KIAA1549L: variants seen among roughly 807,000 people sequenced by gnomAD.
The protein encoded by KIAA1549L is UPF0606 protein KIAA1549L.
Under a neutral mutation model 160.7 loss-of-function variants are expected in KIAA1549L, and 88 were observed. That is an observed-to-expected ratio of 0.55 (90% CI 0.46 to 0.65). The LOEUF (loss-of-function observed/expected upper bound fraction) is 0.65, where lower values mean the gene tolerates loss of function less well. KIAA1549L is among the 30% of genes least tolerant of loss of function. The pLI, the probability that KIAA1549L is intolerant of heterozygous loss-of-function variation, is 0.00. For synonymous variants in KIAA1549L, 950 were observed against 976.7 expected, an observed-to-expected ratio of 0.97 and a Z score of 0.51; for missense variants, 2,258 against 2,437.5, an observed-to-expected ratio of 0.93 and a Z score of 1.55.
At chr11:33,458,353 C>T (rs1851872373) in intron 1 of KIAA1549L, among the ~76,000 whole-genome samples, 1 of 152,162 alleles carries the variant, frequency 6.6e-6, no homozygotes, top group Non-Finnish European at 1.5e-5. Flanking sequence ...TACTCTTGCC[C>T]CAGGTTCTGC....
chr11:33,518,669 T>C (rs1448900016), intron 1 of KIAA1549L, among the ~76,000 whole-genome samples: 2 of 152,256 alleles, frequency 1.3e-5, no homozygotes, highest in Admixed American at 6.5e-5. Flanking sequence ...TGCTATGATA[T>C]TATAAAGTCT....
At chr11:33,610,385 C>T (rs1850618812) in intron 15 of KIAA1549L, among the ~76,000 whole-genome samples, 1 of 152,240 alleles carries the variant, frequency 6.6e-6, no homozygotes, top group South Asian at 2.1e-4. Context: ...TAAGTACTTA[C>T]TGCACAGGTG....
intron 15 of KIAA1549L, among the ~76,000 whole-genome samples, chr11:33,614,982 C>A (rs907579897): frequency 1.3e-5 from 2 of 151,910 alleles, no homozygotes; most frequent in Non-Finnish European, 2.9e-5. Flanking sequence ...TAAAACCTAC[C>A]TTTTAAAACA....
intron 1 of KIAA1549L, among the ~76,000 whole-genome samples, chr11:33,488,355 C>T (rs1005174795): frequency 6.6e-6 from 1 of 152,064 alleles, no homozygotes; most frequent in Non-Finnish European, 1.5e-5. Flanking sequence ...TAAAGGATGA[C>T]AAAAGGACTA....
chr11:33,474,314 AC>A (rs1852240469), intron 1 of KIAA1549L, among the ~76,000 whole-genome samples: 1 of 152,158 alleles, frequency 6.6e-6, no homozygotes, highest in Non-Finnish European at 1.5e-5. Flanking sequence ...ACTTTGCCCC[AC>A]CTCCGTGATT....
chr11:33,563,774 C>T (rs1854954980), intron 8 of KIAA1549L, among the ~76,000 whole-genome samples: 1 of 152,146 alleles, frequency 6.6e-6, no homozygotes, highest in African/African-American at 2.4e-5. Context: ...TTTACAAAAT[C>T]ATGTTTTCTT....
Position 33,510,648 on chromosome 11 carries a change from C to T in KIAA1549L, c.239-31154C>T, listed in dbSNP as rs116754149. Among the ~76,000 whole-genome samples the T allele has an allele frequency of 1.2e-3, 181 of 152,292 alleles. 1 individual carries two copies. Among genetic ancestry groups the T allele is most frequent in the African/African-American group, 4.1e-3 (170 of 41,558 alleles). ...GAAAGCAAAGGCATAGTGATGCTGG[C>T]GAGGACGTGGATATAGCGAGAAGAG... On this transcript the variant is annotated intron_variant, in intron 1 of 20. Transcript: ENST00000658780.
intron 11 of KIAA1549L, among the ~76,000 whole-genome samples, chr11:33,583,807 A>G (rs567262994): frequency 3.2e-4 from 49 of 152,374 alleles, no homozygotes; most frequent in African/African-American, 1.1e-3. Flanking sequence ...TACAAGCTAA[A>G]GAGACATGAA....
intron 1 of KIAA1549L, among the ~76,000 whole-genome samples, chr11:33,465,411 C>A (rs1366994269): frequency 1.3e-5 from 2 of 152,016 alleles, no homozygotes; most frequent in Non-Finnish European, 2.9e-5. Context: ...ATTCTCTGAC[C>A]CCAGAGCCTT....
chr11:33,559,390 TC>T (rs1854761088), intron 6 of KIAA1549L, among the ~76,000 whole-genome samples: 1 of 152,082 alleles, frequency 6.6e-6, no homozygotes, highest in Non-Finnish European at 1.5e-5. Flanking sequence ...GAACCTGGAG[TC>T]AAATCACCTG....
At chr11:33,392,537 A>G (rs1850291275) in intron 1 of KIAA1549L, among the ~76,000 whole-genome samples, 1 of 152,152 alleles carries the variant, frequency 6.6e-6, no homozygotes, top group Non-Finnish European at 1.5e-5. Context: ...AAATGTATAC[A>G]CCTGTGTATC....
intron 1 of KIAA1549L, among the ~76,000 whole-genome samples, chr11:33,448,899 G>A (rs536024368): frequency 3.5e-4 from 54 of 152,224 alleles, no homozygotes; most frequent in African/African-American, 1.3e-3. Context: ...ATTTTGGCTG[G>A]TCCCCATCGT....
intron 1 of KIAA1549L, among the ~76,000 whole-genome samples, chr11:33,397,234 T>G (rs182424951): frequency 4.2e-5 from 6 of 143,202 alleles, no homozygotes; most frequent in Middle Eastern, 4.4e-3. Flanking sequence ...CTTAGGAGGC[T>G]GAGGCAGGAG....
rs927816081 is a variant in KIAA1549L at position 33,669,782 on chromosome 11, T to C, written c.*1628T>C. Reference sequence around the variant, plus strand: ...TTTTCCAATGGCAAACTGCCCTTTCTGGAATGTTCAGAGATGATGTGTCAT... The same window carrying C: ...TTTTCCAATGGCAAACTGCCCTTTCCGGAATGTTCAGAGATGATGTGTCAT... On this transcript the variant is annotated 3_prime_UTR_variant, in exon 21 of 21. Transcript: ENST00000658780. The C allele has an allele frequency of 6.6e-6, 1 of 152,266 alleles. No individual in the cohort carries two copies. Among genetic ancestry groups the C allele is most frequent in the Non-Finnish European group, 1.5e-5 (1 of 68,048 alleles). The allele number at this position is 152,266 out of a possible 1,614,324, so 9.4% of individuals were successfully genotyped here. A position where few individuals can be genotyped will look rare whatever the true frequency, so the allele number is the denominator to read the frequency against.
chr11:33,424,340 CACA>C (rs754190914), intron 1 of KIAA1549L, among the ~76,000 whole-genome samples: 32 of 152,148 alleles, frequency 2.1e-4, no homozygotes, highest in Non-Finnish European at 4.3e-4. Flanking sequence ...CCTTCTTCAC[CACA>C]ACAAGTTCAT....
intron 9 of KIAA1549L, among the ~76,000 whole-genome samples, chr11:33,572,710 G>C (rs1169894441): frequency 1.3e-5 from 2 of 152,142 alleles, no homozygotes; most frequent in Admixed American, 6.5e-5. Flanking sequence ...TCTTCTGTTG[G>C]TATACACCTG....
intron 3 of KIAA1549L, among the ~76,000 whole-genome samples, chr11:33,545,654 A>G (rs1356297799): frequency 2.0e-5 from 3 of 152,216 alleles, no homozygotes; most frequent in African/African-American, 7.2e-5. Context: ...AAACATCCAT[A>G]GGGCCAAAGT....
chr11:33,649,290 C>T (rs1473484119), intron 17 of KIAA1549L, among the ~76,000 whole-genome samples: 2 of 144,760 alleles, frequency 1.4e-5, no homozygotes, highest in African/African-American at 5.3e-5. Flanking sequence ...CGCTTGAGAC[C>T]AGGAATGTAA....
intron 6 of KIAA1549L, among the ~76,000 whole-genome samples, chr11:33,557,864 G>C (rs942072637): frequency 1.3e-5 from 2 of 152,092 alleles, no homozygotes; most frequent in African/African-American, 4.8e-5. Flanking sequence ...TTCAGTCTGC[G>C]GGACAGAGTG....
Sources: allele counts gnomAD v4.1 joint callset (sites outside exome capture counted in the v4.1 genomes callset), GRCh38; gene constraint gnomAD v4.1.1; transcripts MANE v1.5; gene names NCBI Gene and HGNC (gene_info 2026-07-23, HGNC 2026-07-21).